Variants in OSBPL10 observed in about 807,000 individuals in gnomAD.
The protein encoded by OSBPL10 is oxysterol binding protein like 10, also known as oxysterol-binding protein-related protein 10.
Under a neutral mutation model 81.7 loss-of-function variants are expected in OSBPL10, and 49 were observed. The observed-to-expected ratio is 0.60, with a 90% CI of 0.48 to 0.76. The LOEUF is 0.76. OSBPL10 is among the 30% of genes least tolerant of loss of function. The pLI is 0.00. For synonymous variants in OSBPL10, 419 were observed against 383.6 expected (o/e 1.09, Z -1.08); for missense variants, 923 against 987.8 (o/e 0.93, Z 0.88).
At chr3:31,838,202 T>C (rs892273955) in intron 3 of OSBPL10, among the ~76,000 whole-genome samples, 17 of 152,032 alleles carry the variant, frequency 1.1e-4, no homozygotes, top group Non-Finnish European at 2.4e-4. Flanking sequence ...TTGTGTCCCC[T>C]CCCCGCTAAA....
intron 2 of OSBPL10, among the ~76,000 whole-genome samples, chr3:32,029,343 G>A (rs1699446152): frequency 6.6e-6 from 1 of 151,824 alleles, no homozygotes; most frequent in East Asian, 1.9e-4. Context: ...TAAGTTTTAG[G>A]GTACATGTGC....
At chr3:31,833,695 A>ACG (rs1700300390) in intron 3 of OSBPL10, among the ~76,000 whole-genome samples, 1 of 125,906 alleles carries the variant, frequency 7.9e-6, no homozygotes, top group African/African-American at 3.8e-5. Context: ...GAAAACACGC[A>ACG]CACGCACACG....
intron 4 of OSBPL10, among the ~76,000 whole-genome samples, chr3:31,780,536 G>A (rs1039741142): frequency 3.3e-5 from 5 of 149,560 alleles, no homozygotes; most frequent in African/African-American, 1.2e-4. Context: ...TCTTTGAAAA[G>A]ATAAACAAAA....
chr3:31,800,297 T>C (rs970822081), intron 4 of OSBPL10, among the ~76,000 whole-genome samples: 3 of 152,328 alleles, frequency 2.0e-5, no homozygotes, highest in Non-Finnish European at 4.4e-5. Flanking sequence ...TGGTGGTTCA[T>C]GACAAGGAAG....
intron 7 of OSBPL10, among the ~76,000 whole-genome samples, chr3:31,698,316 T>A (rs1263509214): frequency 6.6e-6 from 1 of 151,906 alleles, no homozygotes; most frequent in African/African-American, 2.4e-5. Context: ...CTGGGCATGG[T>A]GACACGCACC....
chr3:31,893,152 C>G (rs1215220176), intron 1 of OSBPL10, among the ~76,000 whole-genome samples: 1 of 152,162 alleles, frequency 6.6e-6, no homozygotes, highest in East Asian at 1.9e-4. Context: ...AATCTCTGGC[C>G]AATCTTTGAC....
intron 1 of OSBPL10, among the ~76,000 whole-genome samples, chr3:31,934,076 T>TAA (rs35397219): frequency 1.7e-4 from 23 of 132,026 alleles, no homozygotes; most frequent in African/African-American, 4.6e-4. Flanking sequence ...CACCTCTGTT[T>TAA]AAAAAAAAAA....
chr3:31,898,241 C>T (rs144463293), intron 1 of OSBPL10, among the ~76,000 whole-genome samples: 4 of 151,732 alleles, frequency 2.6e-5, no homozygotes, highest in African/African-American at 9.7e-5. Flanking sequence ...AGTAATAATC[C>T]ATTATATATT....
chr3:31,914,013 C>T (rs1011335823), intron 1 of OSBPL10, among the ~76,000 whole-genome samples: 5 of 152,210 alleles, frequency 3.3e-5, no homozygotes, highest in Non-Finnish European at 7.3e-5. Flanking sequence ...ACCTCTGCCT[C>T]CTGGGTTCAA....
At chr3:31,956,062 G>A (rs934426190) in intron 1 of OSBPL10, among the ~76,000 whole-genome samples, 4 of 152,194 alleles carry the variant, frequency 2.6e-5, no homozygotes, top group African/African-American at 7.2e-5. Flanking sequence ...ATGTAGCATT[G>A]ATCTTGGTTC....
intron 1 of OSBPL10, among the ~76,000 whole-genome samples, chr3:31,886,746 C>T (rs1695748154): frequency 6.6e-6 from 1 of 152,124 alleles, no homozygotes; most frequent in South Asian, 2.1e-4. Flanking sequence ...TCGAGACCAG[C>T]CTGGCCAATA....
intron 1 of OSBPL10, among the ~76,000 whole-genome samples, chr3:31,942,318 A>G (rs1697558217): frequency 1.3e-5 from 2 of 151,698 alleles, no homozygotes; most frequent in South Asian, 4.2e-4. Flanking sequence ...TTGGGAGGCC[A>G]AGGCGGGCGG....
intron 8 of OSBPL10, among the ~76,000 whole-genome samples, chr3:31,678,053 A>T (rs1700528019): frequency 7.3e-6 from 1 of 136,198 alleles, no homozygotes; most frequent in African/African-American, 3.1e-5. Flanking sequence ...TGCAGTCCGC[A>T]GTCCGGCCTG....
At chr3:31,898,597 T>TA (rs944795636) in intron 1 of OSBPL10, among the ~76,000 whole-genome samples, 4 of 147,178 alleles carry the variant, frequency 2.7e-5, no homozygotes, top group Non-Finnish European at 6.0e-5. Context: ...AAAAAAAATC[T>TA]AAAAAAAAAG....
intron 3 of OSBPL10, among the ~76,000 whole-genome samples, chr3:31,831,026 G>T (rs564810058): frequency 6.6e-6 from 1 of 152,114 alleles, no homozygotes; most frequent in Non-Finnish European, 1.5e-5. Flanking sequence ...CACAGATCTC[G>T]AATGGATCAA....
At chr3:31,882,718 T>C (rs1244598225) in intron 1 of OSBPL10, among the ~76,000 whole-genome samples, 2 of 151,958 alleles carry the variant, frequency 1.3e-5, no homozygotes, top group Non-Finnish European at 2.9e-5. Flanking sequence ...ACAGCACAAC[T>C]TGGGAGAGCC....
intron 6 of OSBPL10, among the ~76,000 whole-genome samples, chr3:31,724,842 T>C (rs1027338736): frequency 6.6e-6 from 1 of 152,198 alleles, no homozygotes; most frequent in Non-Finnish European, 1.5e-5. Flanking sequence ...AGAAAGATGC[T>C]GTTTTGCAAG....
intron 6 of OSBPL10, among the ~76,000 whole-genome samples, chr3:31,709,843 T>C (rs1226847482): frequency 6.6e-6 from 1 of 152,200 alleles, no homozygotes; most frequent in Non-Finnish European, 1.5e-5. Flanking sequence ...AAGCACTGTG[T>C]CAGGTGCTTT....
chr3:31,878,400 G>A (rs1275112065), intron 2 of OSBPL10, among the ~76,000 whole-genome samples: 2 of 152,202 alleles, frequency 1.3e-5, no homozygotes, highest in Admixed American at 6.5e-5. Context: ...CTAGCCAGCT[G>A]GAATGCACAC....
Sources: allele counts gnomAD v4.1 joint callset (sites outside exome capture counted in the v4.1 genomes callset), GRCh38; gene constraint gnomAD v4.1.1; transcripts MANE v1.5; gene names NCBI Gene and HGNC (gene_info 2026-07-23, HGNC 2026-07-21).